Variants in PCDHA9 observed in about 807,000 individuals in gnomAD.
The protein encoded by PCDHA9 is protocadherin alpha-9.
Under a neutral mutation model 62.0 loss-of-function variants are expected in PCDHA9, and 62 were observed. The ratio of observed to expected loss-of-function variants is 1.00; its 90% CI spans 0.81 to 1.23. The LOEUF is 1.23. Ranked by LOEUF, PCDHA9 falls within the 50% of genes most tolerant of loss-of-function variation. PCDHA9 has a pLI of 0.00. For synonymous variants in PCDHA9, 557 were observed against 567.6 expected, an observed-to-expected ratio of 0.98 and a Z score of 0.27; for missense variants, 1,205 against 1,249.8, an observed-to-expected ratio of 0.96 and a Z score of 0.54.
intron 1 of PCDHA9, chr5:140,851,881 T>C: frequency 1.0e-6 from 1 of 977,870 alleles, no homozygotes; most frequent in Non-Finnish European, 1.2e-6. Context: ...GGCAGAAATC[T>C]GGATATGAGA....
Position 140,975,977 on chromosome 5 carries a change from TA to T in PCDHA9, c.2395-2971del, listed in dbSNP as rs781900191. ...GTTCTTCACCAATAGAAAGTAAGCATAGTCCTGGGAGGTACCATCTAAGTAT... is the reference window on the plus strand; with the variant it reads ...GTTCTTCACCAATAGAAAGTAAGCATGTCCTGGGAGGTACCATCTAAGTAT... On this transcript the variant is annotated intron_variant, in intron 1 of 3. Coordinates refer to ENST00000532602, the MANE Select transcript of PCDHA9 (RefSeq NM_031857.2). Among the ~76,000 whole-genome samples, 17 of 152,284 alleles carry T rather than the reference TA, an allele frequency of 1.1e-4. 1 individual carries two copies. The highest frequency in any genetic ancestry group is 1.8e-4 in the Non-Finnish European group (12 of 68,014).
At chr5:140,893,141 C>A (rs1412974583) in intron 1 of PCDHA9, among the ~76,000 whole-genome samples, 1 of 152,192 alleles carries the variant, frequency 6.6e-6, no homozygotes, top group African/African-American at 2.4e-5. Flanking sequence ...TTTATCCACT[C>A]ATCTGTTGAT....
chr5:140,849,528 G>T lies in PCDHA9; in HGVS notation c.1033G>T (p.Asp345Tyr). Reference protein sequence around the residue: ...TLLVEVVDVNDNAPQLTIKTL... With the variant: ...TLLVEVVDVNYNAPQLTIKTL... The stretch of plus-strand genomic sequence containing the variant: ...TCTTGTGGAAGTTGTGGATGTAAAT[G>T]ACAATGCTCCACAGTTGACTATCAA... The change falls in exon 1 of 4, where the codon GAC becomes TAC. Residue 345 changes from aspartate to tyrosine, a missense_variant. By Grantham distance (160) the Asp-to-Tyr change is radical. This residue lies in a region of PCDHA9 where 110 missense variants were observed against 227.2 expected (regional missense o/e 0.48). Transcript: ENST00000532602. The T allele has an allele frequency of 2.5e-6, 4 of 1,597,792 alleles. No individual in the cohort carries two copies. Among genetic ancestry groups the T allele is most frequent in the Non-Finnish European group, 3.4e-6 (4 of 1,167,650 alleles).
chr5:140,949,591 T>A (rs1279124605), intron 1 of PCDHA9, among the ~76,000 whole-genome samples: 2 of 151,928 alleles, frequency 1.3e-5, no homozygotes, highest in Non-Finnish European at 2.9e-5. Flanking sequence ...GTGATATTAA[T>A]GTGGCCATTC....
At chr5:140,883,074 C>T (rs1554176634) in intron 1 of PCDHA9, 2 of 1,614,042 alleles carry the variant, frequency 1.2e-6, no homozygotes, top group Admixed American at 3.3e-5. Context: ...GCCACAGATC[C>T]TGATGATGGT....
At position 140,848,738 on chromosome 5, in the gene PCDHA9, T is replaced by G. The variant is rs2150419097; in HGVS notation, c.243T>G (p.Asn81Lys). The change falls in exon 1 of 4, where the codon AAT becomes AAG. Residue 81 changes from asparagine (N) to lysine (K), a missense_variant. Transcript: ENST00000532602. ...RGDLLEVNLQ[N>K]GILFVNSRID... ...ACCTTCTGGAGGTAAATCTGCAGAA[T>G]GGCATTTTGTTTGTGAATTCTCGGA... 6.3e-7 allele frequency: 1 copy of G among 1,592,918 alleles called. No homozygotes were observed. The highest frequency in any genetic ancestry group is 1.1e-5 in the South Asian group (1 of 90,134).
At chr5:140,881,244 CG>C in intron 1 of PCDHA9, 1 of 397,012 alleles carries the variant, frequency 2.5e-6, no homozygotes, top group Non-Finnish European at 3.4e-6. Flanking sequence ...ATTTAAATGA[CG>C]GCAAGGTTTT....
At chr5:140,982,625 T>C in intron 3 of PCDHA9, 62 bp downstream of exon 3, 1 of 1,582,614 alleles carries the variant, frequency 6.3e-7, no homozygotes, top group South Asian at 1.2e-5. Context: ...ATGACCTACT[T>C]TTGTAAGATC....
At chr5:140,931,815 T>C (rs954167352) in intron 1 of PCDHA9, among the ~76,000 whole-genome samples, 47 of 152,114 alleles carry the variant, frequency 3.1e-4, no homozygotes, top group African/African-American at 8.4e-4. Flanking sequence ...TAGAAAAGAA[T>C]TCTTGTCATA....
chr5:140,969,261 T>G (rs2153777840), intron 1 of PCDHA9: 1 of 1,614,180 alleles, frequency 6.2e-7, no homozygotes, highest in South Asian at 1.1e-5. Flanking sequence ...AGCAGGAATC[T>G]CACAGGCCAA....
chr5:140,978,875 T>A, intron 1 of PCDHA9, 74 bp from the exon 2 acceptor site: 2 of 1,609,316 alleles, frequency 1.2e-6, no homozygotes, highest in Non-Finnish European at 1.7e-6. Flanking sequence ...AGGGAGTAAC[T>A]AATCAATTAG....
chr5:140,875,938 G>A (rs375005102), intron 1 of PCDHA9: 5 of 1,614,020 alleles, frequency 3.1e-6, no homozygotes, highest in Middle Eastern at 1.6e-4. Flanking sequence ...TCCTCTAGAG[G>A]GCGCTTCTGA....
At position 140,927,248 on chromosome 5, in the gene PCDHA9, A is replaced by T. The variant is rs572200211; in HGVS notation, c.2395-51701A>T. On this transcript the variant is annotated intron_variant, in intron 1 of 3. Transcript: ENST00000532602. The stretch of plus-strand genomic sequence containing the variant: ...CGGATTCACGTCCTGGACACCAATG[A>T]CAACTCACCTCTCTTTCCTGCCGGC... 3.5e-5 allele frequency: 56 copies of T among 1,614,064 alleles called. No homozygotes were observed. The South Asian group carries it at 5.7e-4, about 16-fold the overall frequency.
intron 3 of PCDHA9, among the ~76,000 whole-genome samples, chr5:140,994,520 T>C (rs2097631658): frequency 6.8e-6 from 1 of 147,840 alleles, no homozygotes; most frequent in African/African-American, 2.6e-5. Context: ...CTGGGCAACA[T>C]GGCAAAACCC....
Position 140,996,899 on chromosome 5 carries a change from C to T in PCDHA9, c.2543-12728C>T, listed in dbSNP as rs529654978. Among the ~76,000 whole-genome samples, 7 of 152,226 alleles carry T rather than the reference C, an allele frequency of 4.6e-5. No individual in the cohort carries two copies. The South Asian group carries it at 1.4e-3, about 32-fold the overall frequency. ...TGTATTTTTAAATAAAATAGAATTA[C>T]ATTGTTGAAGTAAATATTAAAAAAT... is the stretch of plus-strand genomic sequence containing the variant. On this transcript the variant is annotated intron_variant, in intron 3 of 3. Transcript: ENST00000532602.
intron 1 of PCDHA9, chr5:140,877,867 T>C: frequency 2.7e-6 from 4 of 1,490,888 alleles, no homozygotes; most frequent in Non-Finnish European, 3.6e-6. Context: ...TTTAGATATA[T>C]TTGTTTCCTT....
At chr5:140,957,734 T>C (rs559180968) in intron 1 of PCDHA9, among the ~76,000 whole-genome samples, 2 of 152,240 alleles carry the variant, frequency 1.3e-5, no homozygotes, top group Admixed American at 6.5e-5. Flanking sequence ...GAATTATATA[T>C]ACTGACATGA....
At chr5:140,946,342 A>G (rs2093932164) in intron 1 of PCDHA9, among the ~76,000 whole-genome samples, 1 of 151,846 alleles carries the variant, frequency 6.6e-6, no homozygotes, top group African/African-American at 2.4e-5. Context: ...CAAGTGATGG[A>G]GAGGATGTGG....
At chr5:140,870,227 A>G in intron 1 of PCDHA9, 1 of 1,614,142 alleles carries the variant, frequency 6.2e-7, no homozygotes, top group Non-Finnish European at 8.5e-7. Flanking sequence ...AGCGTGTCTG[A>G]CCGTGACTCA....
Sources: gnomAD v4.1 joint callset for allele counts (sites outside exome capture counted in the v4.1 genomes callset) on GRCh38, gnomAD v4.1.1 for gene constraint, gnomAD v4.1.1 regional missense constraint, MANE v1.5 for transcripts, NCBI Gene and HGNC (gene_info 2026-07-23, HGNC 2026-07-21) for gene names.